Variants in TBC1D8B observed in about 807,000 individuals in gnomAD.
The protein encoded by TBC1D8B is TBC1 domain family member 8B.
A neutral mutation model predicts 82.9 loss-of-function variants in TBC1D8B; 75 were observed. That is an observed-to-expected ratio of 0.90 (90% confidence interval 0.75 to 1.10). The LOEUF (loss-of-function observed/expected upper bound fraction) is 1.10, where lower values mean the gene tolerates loss of function less well. TBC1D8B is among the 50% of genes least tolerant of loss of function. The pLI is 0.00. For missense variants in TBC1D8B, 794 were observed against 796.9 expected (o/e 1.00, Z 0.04); for synonymous variants, 276 against 276.8 (o/e 1.00, Z 0.03).
At chrX:106,842,715 A>G (rs1346426135) in intron 10 of TBC1D8B, among the ~76,000 whole-genome samples, 20 of 110,160 alleles carry the variant, frequency 1.8e-4, no homozygotes. Context: ...TTGATATATA[A>G]TTCACTTACC....
At chrX:106,811,981 G>C (rs1022111933) in intron 1 of TBC1D8B, among the ~76,000 whole-genome samples, 1 of 111,572 alleles carries the variant, frequency 9.0e-6, no homozygotes, top group African/African-American at 3.3e-5. Flanking sequence ...ATTTCAGTTA[G>C]GGAAGGAAAT....
At chrX:106,846,053 A>T (rs768703314) in intron 10 of TBC1D8B, among the ~76,000 whole-genome samples, 1 of 102,782 alleles carries the variant, frequency 9.7e-6, no homozygotes, top group Admixed American at 1.0e-4. Context: ...TTTCCACTGT[A>T]ATTGCTAGAT....
chrX:106,859,041 G>A (rs1932749646), intron 14 of TBC1D8B, among the ~76,000 whole-genome samples: 1 of 111,517 alleles, frequency 9.0e-6, no homozygotes, highest in Admixed American at 9.5e-5. Context: ...TTATTTCTGG[G>A]CACTCCATTC....
In TBC1D8B at chrX:106,852,900, G is replaced by A. The variant is rs1210136329; in HGVS notation, c.2124-621G>A. Among the ~76,000 whole-genome samples the A allele has an allele frequency of 1.5e-4, 17 of 110,093 alleles. 1 individual carries two copies. The South Asian group carries it at 2.7e-3, about 18-fold the overall frequency. On this transcript the variant is annotated intron_variant, in intron 12 of 20. Coordinates refer to ENST00000357242, the MANE Select transcript of TBC1D8B (RefSeq NM_017752.3). ...TCTTTTGCCTTAGGATTGACTTGGCGATGCGGGCTCTTTTTTGGTTCCATA... is the reference window on the plus strand; with the variant it reads ...TCTTTTGCCTTAGGATTGACTTGGCAATGCGGGCTCTTTTTTGGTTCCATA...
chrX:106,818,724 C>T lies in TBC1D8B; in HGVS notation c.192C>T (p.Arg64=). Residue 64 remains arginine (R), a synonymous_variant, in exon 2 of 21, where the codon CGC becomes CGT. Coordinates refer to ENST00000357242, the MANE Select transcript of TBC1D8B (RefSeq NM_017752.3). ...CTACTGCTAAAGTAGCTCCATTTCG[C>T]ATCCTACACCAGACACCAGATTCTC... The part of the protein sequence containing the change: ...LDSTAKVAPF[R]ILHQTPDSQV... 2 of 1,208,438 alleles carry T rather than the reference C, an allele frequency of 1.7e-6. No homozygotes were observed. Among genetic ancestry groups the T allele is most frequent in the Non-Finnish European group, 2.2e-6 (2 of 893,537 alleles).
At chrX:106,811,399 G>A (rs1243752347) in intron 1 of TBC1D8B, among the ~76,000 whole-genome samples, 1 of 111,183 alleles carries the variant, frequency 9.0e-6, no homozygotes, top group African/African-American at 3.3e-5. Context: ...GGTGGTATGC[G>A]CCTGTAGTCC....
At chrX:106,814,431 A>C (rs1363053705) in intron 1 of TBC1D8B, 1 of 105,905 alleles carries the variant, frequency 9.4e-6, no homozygotes, top group African/African-American at 3.5e-5. Context: ...ACATTTTCTT[A>C]ATCCAGTCTA....
At chrX:106,867,836 A>C (rs1932824234) in intron 17 of TBC1D8B, among the ~76,000 whole-genome samples, 1 of 111,654 alleles carries the variant, frequency 9.0e-6, no homozygotes, top group African/African-American at 3.3e-5. Context: ...ACATCATTAA[A>C]AGCAAAAGAC....
At chrX:106,837,132 A>C (rs1225961646) in intron 7 of TBC1D8B, among the ~76,000 whole-genome samples, 1 of 112,262 alleles carries the variant, frequency 8.9e-6, no homozygotes, top group Admixed American at 9.4e-5. Flanking sequence ...ATCTTGAATT[A>C]GGCAATTGTT....
chrX:106,813,643 G>A (rs1931443702), intron 1 of TBC1D8B, among the ~76,000 whole-genome samples: 1 of 111,643 alleles, frequency 9.0e-6, no homozygotes, highest in African/African-American at 3.3e-5. Flanking sequence ...TCAATAAAGT[G>A]CCTTCATTTG....
chrX:106,852,540 T>C (rs1932612082), intron 12 of TBC1D8B, among the ~76,000 whole-genome samples: 1 of 112,049 alleles, frequency 8.9e-6, no homozygotes, highest in South Asian at 3.7e-4. Flanking sequence ...AGGGTTTTTA[T>C]GGTTTTAGGT....
chrX:106,828,187 C>G (rs1289714642), intron 7 of TBC1D8B: 1 of 112,776 alleles, frequency 8.9e-6, no homozygotes, highest in Admixed American at 9.4e-5. Context: ...ACTAGAAAAT[C>G]TAGAAGAAAT....
intron 10 of TBC1D8B, among the ~76,000 whole-genome samples, chrX:106,844,187 T>C (rs1015101190): frequency 5.4e-5 from 6 of 110,237 alleles, no homozygotes; most frequent in South Asian, 3.9e-4. Context: ...CCAGTATGGA[T>C]GTCTTTTTTT....
At chrX:106,864,193 G>C (rs188514051) in intron 14 of TBC1D8B, among the ~76,000 whole-genome samples, 1 of 111,524 alleles carries the variant, frequency 9.0e-6, no homozygotes, top group Non-Finnish European at 1.9e-5. Context: ...GGGAGGATGA[G>C]AGTGGCAAGT....
In TBC1D8B at chrX:106,831,954, C is replaced by T. The variant is rs141725253; in HGVS notation, c.1203+4617C>T. Reference sequence around the variant, plus strand: ...TATATCTAGTTTTAATAATAGTACACGTAAAAACTTAGTAAAGAGAAAGCT... The same window carrying T: ...TATATCTAGTTTTAATAATAGTACATGTAAAAACTTAGTAAAGAGAAAGCT... On this transcript the variant is annotated intron_variant, in intron 7 of 20. Transcript: ENST00000357242. 4.7e-3 allele frequency among the ~76,000 whole-genome samples: 520 copies of T among 110,998 alleles called. 7 individuals carry two copies. Among genetic ancestry groups the T allele is most frequent in the African/African-American group, 0.016 (487 of 30,634 alleles).
At chrX:106,848,801 G>A (rs937439266) in intron 11 of TBC1D8B, among the ~76,000 whole-genome samples, 6 of 109,996 alleles carry the variant, frequency 5.5e-5, no homozygotes, top group African/African-American at 2.0e-4. Flanking sequence ...TTATTGAGAC[G>A]GAGTCTTGCT....
At chrX:106,830,360 G>T (rs1346558437) in intron 7 of TBC1D8B, among the ~76,000 whole-genome samples, 2 of 111,685 alleles carry the variant, frequency 1.8e-5, no homozygotes, top group East Asian at 5.7e-4. Context: ...CTGTAAACTA[G>T]TTCAACCATT....
chrX:106,861,592 C>A (rs1433573875), intron 14 of TBC1D8B, among the ~76,000 whole-genome samples: 1 of 111,534 alleles, frequency 9.0e-6, no homozygotes, highest in Non-Finnish European at 1.9e-5. Flanking sequence ...CTTCCTCAAC[C>A]TTTTACTTTG....
chrX:106,845,304 T>A (rs187767218), intron 10 of TBC1D8B, among the ~76,000 whole-genome samples: 64 of 111,284 alleles, frequency 5.8e-4, no homozygotes, highest in African/African-American at 2.0e-3. Context: ...TTTCTAGTCT[T>A]TTTTTTAATT....
Sources: allele counts gnomAD v4.1 joint callset (sites outside exome capture counted in the v4.1 genomes callset), GRCh38; gene constraint gnomAD v4.1.1; transcripts MANE v1.5; gene names NCBI Gene and HGNC (gene_info 2026-07-23, HGNC 2026-07-21).